PCDH15: variants seen among roughly 807,000 people sequenced by gnomAD.
PCDH15 encodes the protein protocadherin related 15.
In PCDH15, 129 loss-of-function variants were observed where a neutral mutation model predicts 178.5. The ratio of observed to expected loss-of-function variants is 0.72; its 90% CI spans 0.63 to 0.84. The LOEUF is 0.84. Ranked by LOEUF, PCDH15 falls within the 40% of genes least tolerant of loss-of-function variation. The pLI, the probability that PCDH15 is intolerant of heterozygous loss-of-function variation, is 0.00. For synonymous variants in PCDH15, 800 were observed against 732.0 expected (o/e 1.09, Z -1.50); for missense variants, 2,230 against 2,099.9 (o/e 1.06, Z -1.21).
chr10:53,822,945 A>G, intron 32 of PCDH15: 1 of 1,613,878 alleles, frequency 6.2e-7, no homozygotes, highest in Admixed American at 1.7e-5. Context: ...CAGATCTATG[A>G]TCTCTGGTCT....
chr10:55,026,667 G>A (rs561724263), intron 2 of PCDH15, among the ~76,000 whole-genome samples: 20 of 152,018 alleles, frequency 1.3e-4, no homozygotes, highest in African/African-American at 4.8e-4. Context: ...ACATCACTTA[G>A]GTAGTCATGG....
chr10:55,310,725 G>A lies in PCDH15; in HGVS notation c.-156+8874C>T, dbSNP rs114215779. Among the ~76,000 whole-genome samples, 1,207 of 152,176 alleles carry A rather than the reference G, an allele frequency of 7.9e-3. 21 individuals carry two copies. Among genetic ancestry groups the A allele is most frequent in the African/African-American group, 0.028 (1,165 of 41,532 alleles). On this transcript the variant is annotated intron_variant, in intron 1 of 5. Coordinates refer to the PCDH15 transcript ENST00000458638. The stretch of plus-strand genomic sequence containing the variant: ...AATGAGTTCATCATATCCTTTTCAG[G>A]GACATAGATAAAGCTGGAAGCCATC...
intron 1 of PCDH15, among the ~76,000 whole-genome samples, chr10:55,312,766 C>T (rs1345833317): frequency 3.3e-5 from 5 of 151,962 alleles, no homozygotes; most frequent in Non-Finnish European, 7.4e-5. Flanking sequence ...TACAGGCATG[C>T]ACCACCATGC....
chr10:54,905,845 T>A (rs989377703), intron 2 of PCDH15, among the ~76,000 whole-genome samples: 3 of 152,120 alleles, frequency 2.0e-5, no homozygotes, highest in Non-Finnish European at 2.9e-5. Context: ...TCTTAACATT[T>A]CCTTTTCAAT....
At chr10:54,724,965 C>T (rs1417583417) in intron 1 of PCDH15, among the ~76,000 whole-genome samples, 1 of 151,182 alleles carries the variant, frequency 6.6e-6, no homozygotes, top group Non-Finnish European at 1.5e-5. Flanking sequence ...CCTATGCACA[C>T]ATACATACAT....
At chr10:54,803,330 CAGAT>C (rs1340312196), upstream of PCDH15, among the ~76,000 whole-genome samples, 10 of 152,132 alleles carry the variant, frequency 6.6e-5, no homozygotes, top group East Asian at 1.9e-4. Flanking sequence ...TATTTTTTGA[CAGAT>C]AGTTTCTAAT....
chr10:53,838,619 T>C (rs2132729132), intron 29 of PCDH15, among the ~76,000 whole-genome samples: 1 of 152,198 alleles, frequency 6.6e-6, no homozygotes, highest in South Asian at 2.1e-4. Context: ...AAAACAAAAC[T>C]AATGTATGCA....
intron 14 of PCDH15, among the ~76,000 whole-genome samples, chr10:54,140,682 T>C (rs1004917274): frequency 3.3e-5 from 5 of 151,822 alleles, no homozygotes; most frequent in African/African-American, 1.2e-4. Context: ...TTGGTCATGA[T>C]GGTCTCAATC....
chr10:55,488,625 T>G (rs2132125661), intron 2 of PCDH15, among the ~76,000 whole-genome samples: 1 of 151,722 alleles, frequency 6.6e-6, no homozygotes, highest in African/African-American at 2.4e-5. Flanking sequence ...TTTGAATTTT[T>G]TTCCTAGAAT....
At chr10:54,051,384 G>A (rs535579208) in intron 18 of PCDH15, among the ~76,000 whole-genome samples, 76 of 152,260 alleles carry the variant, frequency 5.0e-4, no homozygotes, top group Non-Finnish European at 7.8e-4. Flanking sequence ...CTTGTTGAAC[G>A]GCTTTGACCA....
intron 8 of PCDH15, among the ~76,000 whole-genome samples, chr10:54,298,653 C>T (rs981992365): frequency 6.6e-6 from 1 of 152,344 alleles, no homozygotes; most frequent in South Asian, 2.1e-4. Context: ...CCAGATGATC[C>T]AACAACAGGA....
intron 1 of PCDH15, among the ~76,000 whole-genome samples, chr10:55,168,663 A>G (rs1249376631): frequency 6.6e-6 from 1 of 152,250 alleles, no homozygotes; most frequent in Non-Finnish European, 1.5e-5. Flanking sequence ...TTCATAAAAT[A>G]TAGCAGAAAT....
chr10:55,210,303 A>G (rs2132169396), intron 1 of PCDH15, among the ~76,000 whole-genome samples: 1 of 152,176 alleles, frequency 6.6e-6, no homozygotes, highest in African/African-American at 2.4e-5. Flanking sequence ...TATAATCTAG[A>G]AGTTAAGTCA....
In PCDH15 at chr10:55,315,395, T is replaced by C. The variant is rs559200280; in HGVS notation, c.-156+4204A>G. ...ATATACTAGAGTTTAATTCAAGTGC[T>C]GTAGATGACAAAACCTTATTGAAAA... On this transcript the variant is annotated intron_variant, in intron 1 of 5. Coordinates refer to the PCDH15 transcript ENST00000458638. Among the ~76,000 whole-genome samples the C allele has an allele frequency of 2.0e-4, 31 of 152,326 alleles. No homozygotes were observed. The East Asian group carries it at 4.1e-3, about 20-fold the overall frequency.
At chr10:55,250,100 C>T (rs1256504817) in intron 1 of PCDH15, among the ~76,000 whole-genome samples, 1 of 151,954 alleles carries the variant, frequency 6.6e-6, no homozygotes, top group African/African-American at 2.4e-5. Context: ...TCTTATTCTG[C>T]TTAGACCAAA....
intron 2 of PCDH15, among the ~76,000 whole-genome samples, chr10:55,442,337 T>C (rs1765504066): frequency 6.6e-6 from 1 of 150,612 alleles, no homozygotes. Context: ...CGATGAGAAT[T>C]AGAAGAAAAG....
At chr10:54,622,258 G>C (rs772113873) in intron 2 of PCDH15, among the ~76,000 whole-genome samples, 3 of 151,634 alleles carry the variant, frequency 2.0e-5, no homozygotes. Flanking sequence ...ATTTATGTGT[G>C]TGTGTGTGTT....
intron 2 of PCDH15, among the ~76,000 whole-genome samples, chr10:55,144,808 TTAAA>T (rs1384634764): frequency 6.7e-6 from 1 of 149,038 alleles, no homozygotes; most frequent in Non-Finnish European, 1.5e-5. Context: ...ACGATGCATA[TTAAA>T]TATACTTTTT....
intron 3 of PCDH15, among the ~76,000 whole-genome samples, chr10:54,835,041 A>C (rs1335344086): frequency 1.3e-5 from 2 of 152,188 alleles, no homozygotes; most frequent in African/African-American, 2.4e-5. Flanking sequence ...GAAGAATGTG[A>C]AGATACAATT....
Sources: gnomAD v4.1 joint callset for allele counts (sites outside exome capture counted in the v4.1 genomes callset) on GRCh38, gnomAD v4.1.1 for gene constraint, MANE v1.5 for transcripts, NCBI Gene and HGNC (gene_info 2026-07-23, HGNC 2026-07-21) for gene names.